Variants in PIK3C2G observed in about 807,000 individuals in gnomAD.
The protein encoded by PIK3C2G is phosphatidylinositol 3-kinase C2 domain-containing subunit gamma.
PIK3C2G carries 168 observed loss-of-function variants against 181.1 expected under a neutral mutation model. That is an observed-to-expected ratio of 0.93 (90% CI 0.82 to 1.05). The LOEUF (loss-of-function observed/expected upper bound fraction) is 1.05, where lower values mean the gene tolerates loss of function less well. Ranked by LOEUF, PIK3C2G falls within the 50% of genes least tolerant of loss-of-function variation. PIK3C2G has a pLI of 0.00. For synonymous variants in PIK3C2G, 573 were observed against 592.2 expected (o/e 0.97, Z 0.47); for missense variants, 1,869 against 1,732.8 (o/e 1.08, Z -1.40).
the PIK3C2G span, among the ~76,000 whole-genome samples, chr12:18,653,878 C>CT: frequency 6.6e-6 from 1 of 152,068 alleles, no homozygotes; most frequent in East Asian, 1.9e-4. Flanking sequence ...AAATAAGTGA[C>CT]TGAGATTATT....
At chr12:18,612,121 C>T (rs1190744914) in intron 31 of PIK3C2G, among the ~76,000 whole-genome samples, 1 of 152,096 alleles carries the variant, frequency 6.6e-6, no homozygotes, top group Admixed American at 6.6e-5. Context: ...CTCAGTCACT[C>T]CGTGCCAGCC....
intron 30 of PIK3C2G, among the ~76,000 whole-genome samples, chr12:18,608,916 A>T (rs1273094657): frequency 6.6e-6 from 1 of 152,046 alleles, no homozygotes; most frequent in Non-Finnish European, 1.5e-5. Context: ...GGGTGGGAGG[A>T]GTGAATGAAT....
intron 18 of PIK3C2G, among the ~76,000 whole-genome samples, chr12:18,430,293 AAG>A (rs764111127): frequency 5.9e-5 from 9 of 152,178 alleles, no homozygotes; most frequent in Non-Finnish European, 1.2e-4. Flanking sequence ...AACAAACTCC[AAG>A]AGAGAACCAA....
rs573832342 is a variant in PIK3C2G, at chr12:18,262,981, C to A, written c.-79+1404C>A. Among the ~76,000 whole-genome samples the A allele has an allele frequency of 3.3e-5, 5 of 152,096 alleles. No individual in the cohort carries two copies. The South Asian group carries it at 1.0e-3, about 32-fold the overall frequency. ...TGATTAAATTGTTTAGGCATAAATC[C>A]ATTTTAACTGTTATCAGTTCTTAGC... On this transcript the variant is annotated intron_variant, in intron 1 of 32. Coordinates refer to ENST00000538779, the MANE Select transcript of PIK3C2G (RefSeq NM_001288772.2).
chr12:18,350,546 A>C (rs1940127315), intron 11 of PIK3C2G, among the ~76,000 whole-genome samples: 1 of 152,114 alleles, frequency 6.6e-6, no homozygotes, highest in African/African-American at 2.4e-5. Flanking sequence ...TGGCATATAG[A>C]GGTTTCTTGT....
intron 18 of PIK3C2G, among the ~76,000 whole-genome samples, chr12:18,485,617 T>C (rs1010153000): frequency 6.6e-6 from 1 of 152,112 alleles, no homozygotes; most frequent in East Asian, 1.9e-4. Context: ...TAATACCAAA[T>C]TGAATCACAG....
the PIK3C2G span, among the ~76,000 whole-genome samples, chr12:18,719,007 T>C: frequency 6.6e-6 from 1 of 152,212 alleles, no homozygotes; most frequent in South Asian, 2.1e-4. Context: ...TTGTACAATG[T>C]ACTGTATTTA....
intron 11 of PIK3C2G, among the ~76,000 whole-genome samples, chr12:18,360,758 A>C (rs1941166840): frequency 6.6e-6 from 1 of 152,130 alleles, no homozygotes; most frequent in South Asian, 2.1e-4. Context: ...TCTCTTGTAC[A>C]TGATTAGTCA....
intron 29 of PIK3C2G, among the ~76,000 whole-genome samples, chr12:18,584,532 A>C (rs1382995443): frequency 6.6e-6 from 1 of 152,178 alleles, no homozygotes; most frequent in Non-Finnish European, 1.5e-5. Context: ...CCTCTGAGAC[A>C]TATGGAATCA....
At chr12:18,377,639 C>A (rs935907901) in intron 13 of PIK3C2G, among the ~76,000 whole-genome samples, 12 of 152,258 alleles carry the variant, frequency 7.9e-5, no homozygotes, top group African/African-American at 2.9e-4. Context: ...GTAATAAAGG[C>A]AGGCTCCAGA....
intron 1 of PIK3C2G, among the ~76,000 whole-genome samples, chr12:18,269,029 G>A (rs1948631877): frequency 6.6e-6 from 1 of 151,788 alleles, no homozygotes; most frequent in Non-Finnish European, 1.5e-5. Context: ...TCATGCCTCA[G>A]CCTCCCAGGT....
chr12:18,543,539 T>A (rs192346250), intron 25 of PIK3C2G, among the ~76,000 whole-genome samples: 13 of 152,130 alleles, frequency 8.5e-5, no homozygotes, highest in Admixed American at 8.5e-4. Context: ...TATTTAAGTC[T>A]TTAATCCATC....
At chr12:18,503,980 T>G (rs1274310703) in intron 23 of PIK3C2G, among the ~76,000 whole-genome samples, 1 of 152,198 alleles carries the variant, frequency 6.6e-6, no homozygotes, top group Non-Finnish European at 1.5e-5. Flanking sequence ...GAGATGAGTG[T>G]GGCTAGAACC....
chr12:18,355,423 T>C (rs1302863946), intron 11 of PIK3C2G, among the ~76,000 whole-genome samples: 1 of 152,180 alleles, frequency 6.6e-6, no homozygotes, highest in African/African-American at 2.4e-5. Flanking sequence ...AAAGAACCTC[T>C]TGCTTTCTAC....
At chr12:18,654,578 C>T in the PIK3C2G span, among the ~76,000 whole-genome samples, 12 of 152,104 alleles carry the variant, frequency 7.9e-5, no homozygotes, top group African/African-American at 2.4e-4. Context: ...ATTATTGCCA[C>T]GGGTGTTCCC....
chr12:18,526,582 G>A (rs947619599), intron 24 of PIK3C2G, among the ~76,000 whole-genome samples: 5 of 152,046 alleles, frequency 3.3e-5, no homozygotes, highest in South Asian at 2.1e-4. Flanking sequence ...TATTAAGAAC[G>A]TGCTATATTC....
intron 5 of PIK3C2G, among the ~76,000 whole-genome samples, chr12:18,302,259 G>T (rs1301910553): frequency 6.6e-6 from 1 of 152,144 alleles, no homozygotes; most frequent in Non-Finnish European, 1.5e-5. Context: ...GGGGCCCCTG[G>T]CAGTGCGCCT....
intron 18 of PIK3C2G, among the ~76,000 whole-genome samples, chr12:18,438,735 C>T (rs921348540): frequency 1.3e-5 from 2 of 151,714 alleles, no homozygotes; most frequent in Non-Finnish European, 3.0e-5. Context: ...AGAGGGAGAA[C>T]AAGATTTGGA....
the PIK3C2G span, chr12:18,713,095 G>T: frequency 2.6e-5 from 36 of 1,406,946 alleles, no homozygotes; most frequent in South Asian, 4.0e-4. Context: ...ATGCATAAAT[G>T]AGTCCATAAA....
Sources: allele counts gnomAD v4.1 joint callset (sites outside exome capture counted in the v4.1 genomes callset), GRCh38; gene constraint gnomAD v4.1.1; transcripts MANE v1.5; gene names NCBI Gene and HGNC (gene_info 2026-07-23, HGNC 2026-07-21).